FBXO21: variants seen among roughly 807,000 people sequenced by gnomAD.
FBXO21 encodes F-box protein 21.
In FBXO21, 32 loss-of-function variants were observed where a neutral mutation model predicts 76.6. The ratio of observed to expected loss-of-function variants is 0.42; its 90% confidence interval spans 0.32 to 0.56. FBXO21 has a LOEUF of 0.56. FBXO21 is among the 20% of genes least tolerant of loss of function. The pLI is 0.16. For synonymous variants in FBXO21, 328 were observed against 311.5 expected (o/e 1.05, Z -0.56); for missense variants, 586 against 797.3 (o/e 0.73, Z 3.19).
At chr12:117,154,066 A>G (rs1274930306) in intron 11 of FBXO21, among the ~76,000 whole-genome samples, 2 of 152,242 alleles carry the variant, frequency 1.3e-5, no homozygotes, top group South Asian at 2.1e-4. Context: ...ATGCTCATTT[A>G]TTCTTGTGAA....
rs917780946 is a variant in FBXO21 at position 117,142,871 on chromosome 12, C to T, written c.*3216G>A. 1.3e-5 allele frequency: 2 copies of T among 152,152 alleles called. No individual in the cohort carries two copies. The highest frequency in any genetic ancestry group is 2.9e-5 in the Non-Finnish European group (2 of 68,028). 9.4% of individuals were successfully genotyped at this position (152,152 alleles called of 1,614,324 possible). On this transcript the variant is annotated 3_prime_UTR_variant, in exon 12 of 12. Coordinates refer to ENST00000622495, the MANE Select transcript of FBXO21 (RefSeq NM_015002.3). ...CGACACGGCAGCTCTGCTCAGTTTT[C>T]TCCGTGGGGAAAGATCGGAACACTT... is the stretch of plus-strand genomic sequence containing the variant.
chr12:117,172,587 T>A lies in FBXO21; in HGVS notation c.897A>T (p.Gly299=), dbSNP rs781430402. 6.2e-7 allele frequency: 1 copy of A among 1,613,066 alleles called. No individual in the cohort carries two copies. Among genetic ancestry groups the A allele is most frequent in the Non-Finnish European group, 8.5e-7 (1 of 1,179,060 alleles). Residue 299 remains glycine (G), a synonymous_variant, in exon 7 of 12, where the codon GGA becomes GGT. Transcript: ENST00000622495. ...YMHQVLIRRT[G]IPISMSLLYL... ...AGAGCAGAGACATGCTGATTGGGAT[T>A]CCTGTTCTGCGAATCAAAACCTAAA...
At chr12:117,189,583 G>A (rs1441595666) in intron 1 of FBXO21, among the ~76,000 whole-genome samples, 1 of 152,028 alleles carries the variant, frequency 6.6e-6, no homozygotes, top group Non-Finnish European at 1.5e-5. Flanking sequence ...TCTCTAAAAT[G>A]GGGACAGTTG....
intron 10 of FBXO21, 117 bp downstream of exon 10, chr12:117,157,756 G>T (rs1339052161): frequency 3.6e-6 from 3 of 844,152 alleles, no homozygotes; most frequent in Non-Finnish European, 5.3e-6. Flanking sequence ...GCACTCGGGG[G>T]ATAAGTGATC....
intron 5 of FBXO21, 125 bp from the exon 6 acceptor site, chr12:117,174,466 G>A: frequency 8.2e-7 from 1 of 1,221,230 alleles, no homozygotes; most frequent in South Asian, 1.3e-5. Flanking sequence ...TGCCAATCTA[G>A]GAAGCAGAAG....
Position 117,165,637 on chromosome 12 carries a change from G to A in FBXO21, c.1194-20C>T, listed in dbSNP as rs1476745208. On this transcript the variant is annotated intron_variant, in intron 8 of 11. Coordinates refer to ENST00000622495, the MANE Select transcript of FBXO21 (RefSeq NM_015002.3). Reference sequence around the variant, plus strand: ...CCTTCCCTAGCAGAGGAAAAACAATGTTTGTCTCATCCTGCTTGTTTTTTC... The same window carrying A: ...CCTTCCCTAGCAGAGGAAAAACAATATTTGTCTCATCCTGCTTGTTTTTTC... 1 of 1,580,376 alleles carries A rather than the reference G, an allele frequency of 6.3e-7. No homozygotes were observed. Among genetic ancestry groups the A allele is most frequent in the South Asian group, 1.2e-5 (1 of 86,344 alleles).
chr12:117,174,438 A>T, intron 5 of FBXO21, 97 bp from the exon 6 acceptor site: 1 of 1,386,244 alleles, frequency 7.2e-7, no homozygotes, highest in Non-Finnish European at 1.0e-6. Flanking sequence ...CAATGGCCTA[A>T]CAATATTAAT....
intron 3 of FBXO21, among the ~76,000 whole-genome samples, chr12:117,186,097 G>A (rs773782864): frequency 4.6e-5 from 7 of 152,066 alleles, no homozygotes; most frequent in Non-Finnish European, 7.4e-5. Context: ...GGCTGGTCGC[G>A]AACTCCTGAC....
chr12:117,165,385 A>C (rs568456016), intron 9 of FBXO21, 100 bp downstream of exon 9: 180 of 1,205,924 alleles, frequency 1.5e-4, no homozygotes, highest in Non-Finnish European at 1.9e-4. Context: ...ATTTGTGTTT[A>C]TTCCCCATGT....
At chr12:117,180,938 T>C (rs7487508) in intron 3 of FBXO21, among the ~76,000 whole-genome samples, 27,231 of 152,180 alleles carry the variant, frequency 0.18, 3,132 homozygotes, top group Admixed American at 0.34. Context: ...TGAAAACAGC[T>C]AAATATTTTG....
Position 117,171,357 on chromosome 12 carries a change from C to CAAA in FBXO21, c.1013+1111_1013+1113dup, listed in dbSNP as rs57835444. On this transcript the variant is annotated intron_variant, in intron 7 of 11. Transcript: ENST00000622495. ...TGGGTGGCACAGCCAGACCCTGTCT[C>CAAA]AAAAAAAAAAAAAAAAAAAAAAAAG... 2.3e-3 allele frequency among the ~76,000 whole-genome samples: 120 copies of CAAA among 52,600 alleles called. 2 individuals are homozygous for CAAA. Among genetic ancestry groups the CAAA allele is most frequent in the East Asian group, 0.015 (26 of 1,714 alleles). The allele number at this position is 52,600 out of a possible 152,430, so 34.5% of individuals were successfully genotyped here. A position where few individuals can be genotyped will look rare whatever the true frequency, so the allele number is the denominator to read the frequency against.
chr12:117,146,035 G>C lies in FBXO21; in HGVS notation c.*52C>G. The C allele has an allele frequency of 6.9e-7, 1 of 1,455,520 alleles. No homozygotes were observed. Among genetic ancestry groups the C allele is most frequent in the East Asian group, 2.4e-5 (1 of 41,908 alleles). The allele number at this position is 1,455,520 out of a possible 1,614,324, so 90.2% of individuals were successfully genotyped here. A position where few individuals can be genotyped will look rare whatever the true frequency, so the allele number is the denominator to read the frequency against. ...TGGAGACGTCTTCTTCCGGAGTCCCGTTCTCTTGGAAGATAGCAGCAGCAG... is the reference window on the plus strand; with the variant it reads ...TGGAGACGTCTTCTTCCGGAGTCCCCTTCTCTTGGAAGATAGCAGCAGCAG... On this transcript the variant is annotated 3_prime_UTR_variant, in exon 12 of 12. Transcript: ENST00000622495.
chr12:117,142,975 CAAT>C lies in FBXO21; in HGVS notation c.*3109_*3111del, dbSNP rs1300104114. On this transcript the variant is annotated 3_prime_UTR_variant, in exon 12 of 12. Transcript: ENST00000622495. Reference sequence around the variant, plus strand: ...CAACAGTACTTAATGCTGGTTTTCTCAATAAAATCATTTTGCTGTGTAAACGCG... The same window carrying C: ...CAACAGTACTTAATGCTGGTTTTCTCAAAATCATTTTGCTGTGTAAACGCG... The C allele has an allele frequency of 6.6e-6, 1 of 152,110 alleles. No homozygotes were observed. Among genetic ancestry groups the C allele is most frequent in the Non-Finnish European group, 1.5e-5 (1 of 68,030 alleles). The allele number at this position is 152,110 out of a possible 1,614,324, so 9.4% of individuals were successfully genotyped here.
In FBXO21 at chr12:117,146,105, T is replaced by C. The variant is rs754251748; in HGVS notation, c.1848A>G (p.Lys616=). The C allele has an allele frequency of 4.4e-6, 7 of 1,604,296 alleles. No individual in the cohort carries two copies. The highest frequency in any genetic ancestry group is 4.2e-6 in the Non-Finnish European group (5 of 1,176,700). ...CTAGACTTTACTCATCTATGTTCTCTTTCTTTGCACTGTAAATATTCTGCA... is the reference window on the plus strand; with the variant it reads ...CTAGACTTTACTCATCTATGTTCTCCTTCTTTGCACTGTAAATATTCTGCA... ...ETVQNIYSAK[K]ENIDE The change falls in exon 12 of 12, where the codon AAA becomes AAG. Residue 616 remains lysine (K), a synonymous_variant. Coordinates refer to ENST00000622495, the MANE Select transcript of FBXO21 (RefSeq NM_015002.3).
intron 7 of FBXO21, among the ~76,000 whole-genome samples, chr12:117,167,289 T>C (rs1956064018): frequency 1.3e-5 from 2 of 152,170 alleles, no homozygotes; most frequent in Non-Finnish European, 2.9e-5. Flanking sequence ...CCAATGTATG[T>C]CATCTAATAG....
intron 3 of FBXO21, among the ~76,000 whole-genome samples, chr12:117,186,016 G>C (rs1463456889): frequency 6.6e-6 from 1 of 151,938 alleles, no homozygotes; most frequent in East Asian, 1.9e-4. Context: ...GGGATTACAG[G>C]TGTGTACCAC....
rs1240847675 is a variant in FBXO21 at position 117,143,289 on chromosome 12, G to A, written c.*2798C>T. ...CTGCACACTTCTCTTAGAAAGTCAC[G>A]ACGCACAGTACTGTGCGTCACAGGT... is the stretch of plus-strand genomic sequence containing the variant. On this transcript the variant is annotated 3_prime_UTR_variant, in exon 12 of 12. Transcript: ENST00000622495. The A allele has an allele frequency of 6.6e-6, 1 of 152,084 alleles. No individual in the cohort carries two copies. Among genetic ancestry groups the A allele is most frequent in the African/African-American group, 2.4e-5 (1 of 41,392 alleles). The allele number at this position is 152,084 out of a possible 1,614,324, so 9.4% of individuals were successfully genotyped here.
chr12:117,178,648 G>A (rs1036600871), intron 3 of FBXO21, among the ~76,000 whole-genome samples: 2 of 144,066 alleles, frequency 1.4e-5, no homozygotes, highest in African/African-American at 2.5e-5. Flanking sequence ...ACTGTCTGGC[G>A]GGTGCTCACC....
In FBXO21 at chr12:117,144,900, C is replaced by T. The variant is rs188640216; in HGVS notation, c.*1187G>A. 6.6e-6 allele frequency: 1 copy of T among 152,150 alleles called. No individual in the cohort carries two copies. The allele number at this position is 152,150 out of a possible 1,614,324, so 9.4% of individuals were successfully genotyped here. ...CGTCCTGCTGCCGTCAGGACCCTGG[C>T]GGCTTGGAAAAGCAGATTCCAACAC... is the stretch of plus-strand genomic sequence containing the variant. On this transcript the variant is annotated 3_prime_UTR_variant, in exon 12 of 12. Transcript: ENST00000622495.
Sources: gnomAD v4.1 joint callset for allele counts (sites outside exome capture counted in the v4.1 genomes callset) on GRCh38, gnomAD v4.1.1 for gene constraint, MANE v1.5 for transcripts, NCBI Gene and HGNC (gene_info 2026-07-23, HGNC 2026-07-21) for gene names.